Variants in DPP10 observed in about 807,000 individuals in gnomAD.
DPP10 encodes inactive dipeptidyl peptidase 10.
A neutral mutation model predicts 120.9 loss-of-function variants in DPP10; 33 were observed. That is an observed-to-expected ratio of 0.27 (90% CI 0.21 to 0.37). The LOEUF (loss-of-function observed/expected upper bound fraction) is 0.37. DPP10 is among the 10% of genes least tolerant of loss of function. The pLI is 1.00. For missense variants in DPP10, 816 were observed against 942.8 expected, an observed-to-expected ratio of 0.87 and a Z score of 1.76; for synonymous variants, 337 against 326.1, an observed-to-expected ratio of 1.03 and a Z score of -0.36.
At chr2:114,667,560 T>C (rs1698022086) in intron 1 of DPP10, among the ~76,000 whole-genome samples, 1 of 152,158 alleles carries the variant, frequency 6.6e-6, no homozygotes. Context: ...TCTGTTGAAA[T>C]TTGCCTTCAA....
intron 5 of DPP10, among the ~76,000 whole-genome samples, chr2:115,657,377 A>G (rs928688313): frequency 6.6e-6 from 1 of 151,814 alleles, no homozygotes; most frequent in Non-Finnish European, 1.5e-5. Flanking sequence ...TCATTTTAGT[A>G]TGCGACTCTG....
chr2:115,461,451 T>C (rs1388300614), intron 3 of DPP10, among the ~76,000 whole-genome samples: 1 of 152,168 alleles, frequency 6.6e-6, no homozygotes, highest in Non-Finnish European at 1.5e-5. Flanking sequence ...AGATCTTTCA[T>C]ACAACATGGT....
intron 1 of DPP10, among the ~76,000 whole-genome samples, chr2:114,638,176 C>G (rs746075086): frequency 1.3e-5 from 2 of 151,496 alleles, no homozygotes; most frequent in South Asian, 4.2e-4. Flanking sequence ...TTGTAGTTCT[C>G]CTTGTAGAGA....
chr2:115,732,901 T>A (rs1331959303), intron 8 of DPP10, among the ~76,000 whole-genome samples: 1 of 152,142 alleles, frequency 6.6e-6, no homozygotes, highest in African/African-American at 2.4e-5. Flanking sequence ...CGGGTTTCCA[T>A]GTCTTGGGTA....
intron 1 of DPP10, among the ~76,000 whole-genome samples, chr2:115,028,607 A>G (rs1024830611): frequency 1.3e-5 from 2 of 152,046 alleles, no homozygotes; most frequent in African/African-American, 4.8e-5. Context: ...AGTTTAACTC[A>G]GATGATTATT....
chr2:115,166,534 T>TAG, intron 1 of DPP10, among the ~76,000 whole-genome samples: 1 of 145,756 alleles, frequency 6.9e-6, no homozygotes, highest in African/African-American at 2.5e-5. Context: ...AATATATATA[T>TAG]AAATTTATAA....
At chr2:115,257,392 G>C (rs1312831082) in intron 1 of DPP10, among the ~76,000 whole-genome samples, 1 of 152,180 alleles carries the variant, frequency 6.6e-6, no homozygotes, top group Non-Finnish European at 1.5e-5. Flanking sequence ...CATGGTGCTG[G>C]TATCTACTTG....
rs999838875 is a variant in DPP10 at position 115,401,998 on chromosome 2, A to G, written c.271+58086A>G. 9.8e-5 allele frequency among the ~76,000 whole-genome samples: 15 copies of G among 152,314 alleles called. No individual in the cohort carries two copies. In the East Asian group the frequency reaches 2.5e-3, roughly 26 times the overall value. On this transcript the variant is annotated intron_variant, in intron 3 of 25. Coordinates refer to ENST00000410059, the MANE Select transcript of DPP10 (RefSeq NM_020868.6). ...AGGATTCTTGGGCTTCACTCTCCCT[A>G]TAGAAATCCAATAGCAACACAGGAA... is the stretch of plus-strand genomic sequence containing the variant.
At chr2:115,639,601 G>T (rs926348231) in intron 5 of DPP10, among the ~76,000 whole-genome samples, 14 of 151,252 alleles carry the variant, frequency 9.3e-5, no homozygotes, top group Admixed American at 6.0e-4. Context: ...GAGGTCACAG[G>T]TACATGAAAC....
intron 1 of DPP10, among the ~76,000 whole-genome samples, chr2:115,017,235 A>G (rs546744037): frequency 3.3e-5 from 5 of 152,176 alleles, no homozygotes; most frequent in Non-Finnish European, 5.9e-5. Flanking sequence ...AAATTAAAAA[A>G]AAAGAAAGAA....
At chr2:114,944,465 T>G (rs1236827743) in intron 1 of DPP10, among the ~76,000 whole-genome samples, 1 of 152,210 alleles carries the variant, frequency 6.6e-6, no homozygotes, top group Admixed American at 6.5e-5. Flanking sequence ...ATCAGTTATT[T>G]GTTTTCCATC....
At chr2:115,361,632 GA>G (rs2106354031) in intron 3 of DPP10, among the ~76,000 whole-genome samples, 1 of 152,230 alleles carries the variant, frequency 6.6e-6, no homozygotes, top group African/African-American at 2.4e-5. Context: ...GGGGTCACAG[GA>G]TCTCTCATAG....
chr2:114,697,739 G>A (rs1700150675), intron 1 of DPP10, among the ~76,000 whole-genome samples: 2 of 122,132 alleles, frequency 1.6e-5, no homozygotes. Context: ...AACAGAGTGA[G>A]ACTCTGTCTC....
intron 3 of DPP10, among the ~76,000 whole-genome samples, chr2:115,385,345 GTCTT>G (rs976216679): frequency 2.1e-5 from 3 of 141,252 alleles, no homozygotes; most frequent in Non-Finnish European, 3.1e-5. Flanking sequence ...TCATATTTCT[GTCTT>G]TCTTTTTTTT....
At chr2:115,282,362 T>C (rs557996498) in intron 1 of DPP10, among the ~76,000 whole-genome samples, 1 of 152,244 alleles carries the variant, frequency 6.6e-6, no homozygotes, top group South Asian at 2.1e-4. Context: ...TTACATACAA[T>C]AAAATTCACC....
chr2:114,557,057 G>GT (rs1688380297), intron 1 of DPP10, among the ~76,000 whole-genome samples: 1 of 144,860 alleles, frequency 6.9e-6, no homozygotes, highest in Non-Finnish European at 1.5e-5. Context: ...AGTGCTATTT[G>GT]TTGGATCTCT....
chr2:115,334,228 C>CTTTTTTTTTTTTTTTTTTTTTTTTTTT (rs1393213758), intron 2 of DPP10, among the ~76,000 whole-genome samples: 19 of 22,334 alleles, frequency 8.5e-4, no homozygotes, highest in Non-Finnish European at 1.9e-3. Context: ...AGAGCAGACT[C>CTTTTTTTTTTTTTTTTTTTTTTTTTTT]TGTTTTTTTT....
intron 1 of DPP10, among the ~76,000 whole-genome samples, chr2:114,698,463 T>C (rs1700195956): frequency 6.6e-6 from 1 of 152,108 alleles, no homozygotes; most frequent in Non-Finnish European, 1.5e-5. Flanking sequence ...TCAGAAATTG[T>C]GTGAGATAAA....
chr2:115,296,792 A>G (rs1254894599), intron 1 of DPP10, among the ~76,000 whole-genome samples: 2 of 152,062 alleles, frequency 1.3e-5, no homozygotes, highest in African/African-American at 4.8e-5. Flanking sequence ...AAGTTCATCT[A>G]GAGTCCTTCC....
Sources: allele counts gnomAD v4.1 joint callset (sites outside exome capture counted in the v4.1 genomes callset), GRCh38; gene constraint gnomAD v4.1.1; transcripts MANE v1.5; gene names NCBI Gene and HGNC (gene_info 2026-07-23, HGNC 2026-07-21).